RECQL5: variants seen among roughly 807,000 people sequenced by gnomAD.
RECQL5 encodes ATP-dependent DNA helicase Q5.
Under a neutral mutation model 103.4 loss-of-function variants are expected in RECQL5, and 88 were observed. The observed-to-expected ratio is 0.85, with a 90% CI of 0.72 to 1.02. RECQL5 has a LOEUF of 1.02. Among genes scored for constraint, RECQL5 ranks in the 50% least tolerant of loss-of-function variants. The probability of loss-of-function intolerance (pLI) is 0.00; values close to 1 mark genes in which losing one functional copy is unlikely to be tolerated. For missense variants in RECQL5, 1,232 were observed against 1,284.3 expected (o/e 0.96, Z 0.62); for synonymous variants, 552 against 507.9 (o/e 1.09, Z -1.17).
intron 8 of RECQL5, chr17:75,650,924 C>T: frequency 1.4e-6 from 2 of 1,442,860 alleles, no homozygotes; most frequent in South Asian, 2.9e-5. Flanking sequence ...CTTGTGGGGC[C>T]AGCCATCCCA....
Position 75,667,047 on chromosome 17 carries a change from A to T in RECQL5, c.-18T>A. ...CCCTCTCTTCACCCTAAGATATCAGAACCGGCCGTGGTCCGCCCAAGAATT... is the reference window on the plus strand; with the variant it reads ...CCCTCTCTTCACCCTAAGATATCAGTACCGGCCGTGGTCCGCCCAAGAATT... On this transcript the variant is annotated 5_prime_UTR_variant, in exon 1 of 20. Coordinates refer to ENST00000317905, the MANE Select transcript of RECQL5 (RefSeq NM_004259.7). 3.0e-6 allele frequency: 1 copy of T among 331,206 alleles called. No homozygotes were observed. The highest frequency in any genetic ancestry group is 5.6e-6 in the Non-Finnish European group (1 of 178,534). The allele number at this position is 331,206 out of a possible 1,614,324, so 20.5% of individuals were successfully genotyped here. A position where few individuals can be genotyped will look rare whatever the true frequency, so the allele number is the denominator to read the frequency against.
At chr17:75,647,137 C>T (rs775381419) in intron 8 of RECQL5, among the ~76,000 whole-genome samples, 44 of 152,188 alleles carry the variant, frequency 2.9e-4, no homozygotes, top group Admixed American at 7.9e-4. Context: ...AATCCAGGGC[C>T]CCACTTCTTG....
At chr17:75,664,990 A>T in intron 3 of RECQL5, 61 bp downstream of exon 3, 1 of 1,493,752 alleles carries the variant, frequency 6.7e-7, no homozygotes, top group South Asian at 1.3e-5. Context: ...TGAAATTTCC[A>T]GCCTCAAAAA....
intron 9 of RECQL5, 24 bp from the exon 10 acceptor site, chr17:75,631,273 G>A (rs750575618): frequency 3.7e-6 from 6 of 1,603,856 alleles, no homozygotes; most frequent in Non-Finnish European, 4.3e-6. Context: ...AGGCGTGAGT[G>A]GCCCTGGCCT....
At position 75,636,597 on chromosome 17, in the gene RECQL5, C is replaced by T. The variant is rs1333728277; in HGVS notation, c.1230-4929G>A. 1 of 152,230 alleles carries T rather than the reference C, an allele frequency of 6.6e-6. No individual in the cohort carries two copies. The highest frequency in any genetic ancestry group is 1.5e-5 in the Non-Finnish European group (1 of 68,066). The allele number at this position is 152,230 out of a possible 1,614,324, so 9.4% of individuals were successfully genotyped here. Reference sequence around the variant, plus strand: ...GTTATATTGGGCACCAAGTGTCAGGCACTCCTTGGCCTGGCTTTAAATAGC... The same window carrying T: ...GTTATATTGGGCACCAAGTGTCAGGTACTCCTTGGCCTGGCTTTAAATAGC... On this transcript the variant is annotated intron_variant, in intron 8 of 19. Coordinates refer to ENST00000317905, the MANE Select transcript of RECQL5 (RefSeq NM_004259.7). This position sits in a 1 kb window ranked among gnomAD's most constrained non-coding sequence, Gnocchi z 5.4.
chr17:75,648,435 G>A (rs552268744), intron 8 of RECQL5, among the ~76,000 whole-genome samples: 12 of 151,920 alleles, frequency 7.9e-5, no homozygotes, highest in Non-Finnish European at 1.6e-4. Context: ...GTGCGGTGGC[G>A]CTATCTGGGC....
intron 8 of RECQL5, chr17:75,646,268 G>T (rs2059487756): frequency 6.6e-6 from 1 of 152,404 alleles, no homozygotes; most frequent in Non-Finnish European, 1.5e-5. Flanking sequence ...CCACAACACA[G>T]GAAGTGAGCC....
At chr17:75,646,586 T>A (rs2059491426) in intron 8 of RECQL5, 1 of 151,316 alleles carries the variant, frequency 6.6e-6, no homozygotes, top group South Asian at 2.1e-4. Flanking sequence ...CACCTTTGTT[T>A]GTTTGGTGAC....
intron 7 of RECQL5, among the ~76,000 whole-genome samples, chr17:75,652,718 G>A (rs755096441): frequency 1.3e-5 from 2 of 152,306 alleles, no homozygotes; most frequent in Admixed American, 6.5e-5. Flanking sequence ...CTGAGCGCAG[G>A]GTAAAGCTGG....
intron 8 of RECQL5, among the ~76,000 whole-genome samples, chr17:75,645,497 A>G (rs1194676624): frequency 6.6e-6 from 1 of 152,172 alleles, no homozygotes; most frequent in Non-Finnish European, 1.5e-5. Flanking sequence ...CCGGGATGTT[A>G]AATTCAATTA....
intron 14 of RECQL5, 45 bp from the exon 15 acceptor site, chr17:75,629,887 C>G: frequency 1.3e-6 from 2 of 1,559,312 alleles, no homozygotes; most frequent in Non-Finnish European, 1.7e-6. Context: ...GCCAGCTCCT[C>G]CTGACATGCC....
At chr17:75,631,428 C>A (rs758981852) in intron 9 of RECQL5, 22 bp downstream of exon 9, 20 of 1,600,750 alleles carry the variant, frequency 1.2e-5, no homozygotes, top group Admixed American at 5.0e-5. Flanking sequence ...CGGGTTGGAG[C>A]CCTGGCTTCT....
chr17:75,651,082 T>C (rs1162655874), intron 8 of RECQL5, 104 bp downstream of exon 8: 2 of 1,600,996 alleles, frequency 1.2e-6, no homozygotes, highest in African/African-American at 2.7e-5. Flanking sequence ...AGGTGTCCCT[T>C]GGTAGCCTAC....
intron 6 of RECQL5, among the ~76,000 whole-genome samples, chr17:75,660,339 G>C (rs776851590): frequency 7.2e-5 from 11 of 152,174 alleles, no homozygotes; most frequent in Non-Finnish European, 1.3e-4. Flanking sequence ...CAAAGTGCTG[G>C]GATTACAGGT....
Position 75,642,576 on chromosome 17 carries a change from A to G in RECQL5, c.1229+8610T>C, listed in dbSNP as rs544915631. On this transcript the variant is annotated intron_variant, in intron 8 of 19. Coordinates refer to ENST00000317905, the MANE Select transcript of RECQL5 (RefSeq NM_004259.7). ...TTCATACAAAAGAAAAGAAATTCAA[A>G]AATTTGTCCATTCTCAGCCCCCTCC... 8.5e-5 allele frequency among the ~76,000 whole-genome samples: 13 copies of G among 152,192 alleles called. No homozygotes were observed. The South Asian group carries it at 2.5e-3, about 29-fold the overall frequency.
chr17:75,662,787 C>A lies in RECQL5; in HGVS notation c.463G>T (p.Val155Leu), dbSNP rs1368214473. The A allele has an allele frequency of 2.9e-5, 46 of 1,613,996 alleles. No homozygotes were observed. Among genetic ancestry groups the A allele is most frequent in the Non-Finnish European group, 3.6e-5 (42 of 1,180,048 alleles). The change falls in exon 4 of 20, where the codon GTG (valine) becomes TTG (leucine). Residue 155 changes from valine to leucine, a missense_variant. Transcript: ENST00000317905. ...LVSRHLLSYL[V>L]VDEAHCVSQW... ...GAAACACAATGAGCTTCATCCACCA[C>A]CAAGTAAGACAGCAGGTGGCGGGAC...
At chr17:75,657,458 CAAT>C (rs2059638407) in intron 7 of RECQL5, among the ~76,000 whole-genome samples, 1 of 151,770 alleles carries the variant, frequency 6.6e-6, no homozygotes, top group Admixed American at 6.6e-5. Context: ...ACACAAAAGA[CAAT>C]ATTAAGGCCG....
chr17:75,659,435 G>A (rs1268944947), intron 6 of RECQL5, among the ~76,000 whole-genome samples: 4 of 152,146 alleles, frequency 2.6e-5, no homozygotes, highest in Non-Finnish European at 5.9e-5. Flanking sequence ...ACAGCTCATT[G>A]CAGCCTCAAC....
intron 8 of RECQL5, chr17:75,647,323 G>C: frequency 1.4e-6 from 2 of 1,478,536 alleles, no homozygotes; most frequent in Non-Finnish European, 1.8e-6. Flanking sequence ...CCTGGGACAG[G>C]GCCTGGGAGG....
Sources: allele counts gnomAD v4.1 joint callset (sites outside exome capture counted in the v4.1 genomes callset), GRCh38; gene constraint gnomAD v4.1.1; non-coding constraint Gnocchi (gnomAD v3.1); transcripts MANE v1.5; gene names NCBI Gene and HGNC (gene_info 2026-07-23, HGNC 2026-07-21).